Variants in PTPRR observed in about 807,000 individuals in gnomAD.
PTPRR encodes the protein protein tyrosine phosphatase receptor type R, also known as receptor-type tyrosine-protein phosphatase R.
Under a neutral mutation model 77.2 loss-of-function variants are expected in PTPRR, and 38 were observed. That is an observed-to-expected ratio of 0.49 (90% CI 0.38 to 0.65). PTPRR has a LOEUF of 0.65. PTPRR is among the 30% of genes least tolerant of loss of function. The pLI, the probability that PTPRR is intolerant of heterozygous loss-of-function variation, is 0.00. For synonymous variants in PTPRR, 299 were observed against 283.1 expected, an observed-to-expected ratio of 1.06 and a Z score of -0.57; for missense variants, 744 against 799.2, an observed-to-expected ratio of 0.93 and a Z score of 0.83.
At chr12:70,853,710 G>T (rs1227034746) in intron 2 of PTPRR, among the ~76,000 whole-genome samples, 3 of 152,118 alleles carry the variant, frequency 2.0e-5, no homozygotes, top group Admixed American at 2.0e-4. Flanking sequence ...TTCTTACTTG[G>T]CTCTGGCAGC....
chr12:70,642,869 G>T (rs1886057769), intron 13 of PTPRR, among the ~76,000 whole-genome samples: 1 of 152,110 alleles, frequency 6.6e-6, no homozygotes, highest in Non-Finnish European at 1.5e-5. Context: ...ATAGTCTATT[G>T]GCTGGATGCA....
intron 10 of PTPRR, chr12:70,672,975 T>C: frequency 7.1e-7 from 1 of 1,414,752 alleles, no homozygotes. Flanking sequence ...AAGCCTCCTC[T>C]TCTAGGTAGA....
intron 6 of PTPRR, among the ~76,000 whole-genome samples, chr12:70,708,811 TACAAACACACACACAC>T (rs1433464944): frequency 2.1e-5 from 3 of 143,172 alleles, no homozygotes; most frequent in Non-Finnish European, 4.5e-5. Context: ...TAAATACAAA[TACAAACACACACACAC>T]ACACACACAC....
intron 2 of PTPRR, among the ~76,000 whole-genome samples, chr12:70,877,880 T>C (rs1191792355): frequency 1.3e-5 from 2 of 152,118 alleles, no homozygotes; most frequent in Non-Finnish European, 2.9e-5. Context: ...CAAAACAGCA[T>C]GGTACTGGTA....
intron 6 of PTPRR, among the ~76,000 whole-genome samples, chr12:70,732,196 T>C (rs77005851): frequency 6.6e-6 from 1 of 152,388 alleles, no homozygotes; most frequent in East Asian, 1.9e-4. Flanking sequence ...TCATCATTTT[T>C]ACTCTTATTT....
chr12:70,828,232 T>C (rs1172536349), intron 2 of PTPRR, among the ~76,000 whole-genome samples: 3 of 152,190 alleles, frequency 2.0e-5, no homozygotes, highest in Non-Finnish European at 4.4e-5. Context: ...GTTAAGGACA[T>C]AATAAGCCTC....
intron 10 of PTPRR, among the ~76,000 whole-genome samples, chr12:70,675,885 G>A (rs1053639848): frequency 1.4e-4 from 21 of 151,036 alleles, no homozygotes; most frequent in Non-Finnish European, 3.0e-4. Context: ...TTTTGCTATA[G>A]AAAAGCCTTT....
chr12:70,887,560 C>T (rs1225654626), intron 2 of PTPRR, among the ~76,000 whole-genome samples: 1 of 152,124 alleles, frequency 6.6e-6, no homozygotes, highest in South Asian at 2.1e-4. Flanking sequence ...AAAACAACTG[C>T]ATTCTGTTAT....
intron 6 of PTPRR, among the ~76,000 whole-genome samples, chr12:70,722,315 T>C (rs981996900): frequency 6.6e-6 from 1 of 152,192 alleles, no homozygotes; most frequent in Non-Finnish European, 1.5e-5. Flanking sequence ...CTTCCTGCAT[T>C]GTTACCTTCC....
chr12:70,823,300 G>C (rs1892054206), intron 2 of PTPRR, among the ~76,000 whole-genome samples: 1 of 152,144 alleles, frequency 6.6e-6, no homozygotes, highest in Admixed American at 6.5e-5. Flanking sequence ...GAAACACATT[G>C]ACCCACAGTA....
chr12:70,913,950 T>C (rs971568493), intron 1 of PTPRR, among the ~76,000 whole-genome samples: 2 of 152,146 alleles, frequency 1.3e-5, no homozygotes, highest in African/African-American at 4.8e-5. Context: ...GCTGCAATTG[T>C]GTTATTGTTC....
intron 1 of PTPRR, among the ~76,000 whole-genome samples, chr12:70,916,247 A>T (rs1893773627): frequency 6.6e-6 from 1 of 152,168 alleles, no homozygotes; most frequent in African/African-American, 2.4e-5. Context: ...CTGTGGAGAC[A>T]CCTGGAGAAA....
chr12:70,783,130 T>TACC, intron 2 of PTPRR, among the ~76,000 whole-genome samples: 1 of 152,292 alleles, frequency 6.6e-6, no homozygotes, highest in South Asian at 2.1e-4. Flanking sequence ...TTGTCCTGCA[T>TACC]TCAGGAAGAA....
intron 2 of PTPRR, among the ~76,000 whole-genome samples, chr12:70,851,077 A>C (rs1892564619): frequency 6.6e-6 from 1 of 152,140 alleles, no homozygotes; most frequent in Non-Finnish European, 1.5e-5. Flanking sequence ...TTTAATTCTC[A>C]TGATAACCCT....
chr12:70,897,406 G>C (rs1893449278), intron 1 of PTPRR, among the ~76,000 whole-genome samples: 1 of 151,904 alleles, frequency 6.6e-6, no homozygotes, highest in South Asian at 2.1e-4. Context: ...ATGAAAAAAT[G>C]CTCATCATCA....
intron 13 of PTPRR, among the ~76,000 whole-genome samples, chr12:70,644,210 C>T (rs1231285999): frequency 6.6e-6 from 1 of 152,186 alleles, no homozygotes; most frequent in Non-Finnish European, 1.5e-5. Context: ...TGGCTTCTTA[C>T]TAAATAAACT....
intron 6 of PTPRR, among the ~76,000 whole-genome samples, chr12:70,733,487 AAAAAG>A: frequency 1.1e-4 from 14 of 129,268 alleles, no homozygotes; most frequent in Admixed American, 9.0e-4. Flanking sequence ...AAAAAGAAAA[AAAAAG>A]AAAAAAAAAG....
chr12:70,704,928 T>C (rs1888562698), intron 6 of PTPRR, among the ~76,000 whole-genome samples: 1 of 152,168 alleles, frequency 6.6e-6, no homozygotes, highest in South Asian at 2.1e-4. Context: ...TCATGATTGC[T>C]GTTGGACAAA....
At chr12:70,678,809 G>T (rs553503430) in intron 10 of PTPRR, among the ~76,000 whole-genome samples, 9 of 152,028 alleles carry the variant, frequency 5.9e-5, no homozygotes, top group Non-Finnish European at 1.2e-4. Context: ...AGCCTCCCGA[G>T]TACCTGAGAT....
Sources: gnomAD v4.1 joint callset for allele counts (sites outside exome capture counted in the v4.1 genomes callset) on GRCh38, gnomAD v4.1.1 for gene constraint, MANE v1.5 for transcripts, NCBI Gene and HGNC (gene_info 2026-07-23, HGNC 2026-07-21) for gene names.